The following COL23A1 variants were observed in gnomAD, a reference collection of about 807,000 sequenced individuals.
The protein encoded by COL23A1 is collagen alpha-1(XXIII) chain.
In COL23A1, 97 loss-of-function variants were observed where a neutral mutation model predicts 99.3. The observed-to-expected ratio is 0.98, with a 90% CI of 0.83 to 1.16. The LOEUF (loss-of-function observed/expected upper bound fraction) is 1.16, where lower values mean the gene tolerates loss of function less well. COL23A1 is among the 50% of genes most tolerant of loss of function. The pLI is 0.00. For missense variants in COL23A1, 762 were observed against 757.4 expected, an observed-to-expected ratio of 1.01 and a Z score of -0.07; for synonymous variants, 320 against 308.2, an observed-to-expected ratio of 1.04 and a Z score of -0.40.
At position 178,534,867 on chromosome 5, in the gene COL23A1, C is replaced by T. The variant is rs191820140; in HGVS notation, c.361+25815G>A. Among the ~76,000 whole-genome samples the T allele has an allele frequency of 2.2e-3, 332 of 152,266 alleles. 3 individuals carry two copies. The highest frequency in any genetic ancestry group is 7.1e-3 in the African/African-American group (297 of 41,552). On this transcript the variant is annotated intron_variant, in intron 2 of 28. Transcript: ENST00000390654. ...GCCCTGCCCCACACTCTCATTAAAT[C>T]CCCATAAAAACTCTACCAGGTAGCT...
chr5:178,504,909 C>A (rs1758780010), intron 2 of COL23A1, among the ~76,000 whole-genome samples: 1 of 152,188 alleles, frequency 6.6e-6, no homozygotes, highest in Admixed American at 6.5e-5. Context: ...TGGCTCAAAG[C>A]ACCTTAAAAT....
At chr5:178,288,107 C>T (rs1757254007) in intron 5 of COL23A1, among the ~76,000 whole-genome samples, 2 of 152,180 alleles carry the variant, frequency 1.3e-5, no homozygotes, top group Non-Finnish European at 2.9e-5. Flanking sequence ...CACCCAGACA[C>T]CTGCTCGAGG....
rs562298481 is a variant in COL23A1 at position 178,491,628 on chromosome 5, G to A, written c.361+69054C>T. Reference sequence around the variant, plus strand: ...TGGGACAGGAGCACAAGCAGAGAGCGGACCACAGAGCCTGGGGCAAGGGAG... The same window carrying A: ...TGGGACAGGAGCACAAGCAGAGAGCAGACCACAGAGCCTGGGGCAAGGGAG... On this transcript the variant is annotated intron_variant, in intron 2 of 28. Coordinates refer to ENST00000390654, the MANE Select transcript of COL23A1 (RefSeq NM_173465.4). Among the ~76,000 whole-genome samples the A allele has an allele frequency of 1.1e-4, 16 of 152,230 alleles. 1 individual carries two copies. In the South Asian group the frequency reaches 2.9e-3, roughly 28 times the overall value.
chr5:178,315,365 G>A (rs188339882), intron 2 of COL23A1, among the ~76,000 whole-genome samples: 3 of 152,282 alleles, frequency 2.0e-5, no homozygotes, highest in East Asian at 3.9e-4. Context: ...AGCAGGCCAC[G>A]TGCTGGGGGC....
intron 2 of COL23A1, among the ~76,000 whole-genome samples, chr5:178,438,475 C>T (rs1679277660): frequency 6.6e-6 from 1 of 152,194 alleles, no homozygotes. Context: ...GAACGCAGTT[C>T]ATCCCTGTAT....
intron 2 of COL23A1, among the ~76,000 whole-genome samples, chr5:178,478,845 T>C (rs983886894): frequency 1.2e-4 from 19 of 152,232 alleles, no homozygotes; most frequent in Non-Finnish European, 2.5e-4. Context: ...TGAGAAGACT[T>C]ACCCCAGAGG....
chr5:178,471,376 G>A (rs1261792314), intron 2 of COL23A1, among the ~76,000 whole-genome samples: 1 of 152,082 alleles, frequency 6.6e-6, no homozygotes, highest in Non-Finnish European at 1.5e-5. Context: ...TGAGTAGCTG[G>A]GATTACAGGC....
intron 2 of COL23A1, among the ~76,000 whole-genome samples, chr5:178,507,230 T>C (rs1158619865): frequency 2.0e-5 from 3 of 152,198 alleles, no homozygotes; most frequent in African/African-American, 7.2e-5. Flanking sequence ...TTTGTGGTGA[T>C]AGTAGAGTCC....
chr5:178,585,749 T>A lies in COL23A1; in HGVS notation c.294+4155A>T, dbSNP rs1763958854. ...AACACTCCACAGCCCTGGCTGACCC[T>A]GTTGGTTGCTCCCCAGTAGCCATGC... is the stretch of plus-strand genomic sequence containing the variant. On this transcript the variant is annotated intron_variant, in intron 1 of 28. Coordinates refer to ENST00000390654, the MANE Select transcript of COL23A1 (RefSeq NM_173465.4). Among the ~76,000 whole-genome samples the A allele has an allele frequency of 1.3e-5, 2 of 151,408 alleles. 1 individual carries two copies. The highest frequency in any genetic ancestry group is 4.2e-4 in the South Asian group (2 of 4,818).
chr5:178,251,197 AT>A (rs1765016125), intron 17 of COL23A1, among the ~76,000 whole-genome samples: 1 of 151,924 alleles, frequency 6.6e-6, no homozygotes, highest in Non-Finnish European at 1.5e-5. Flanking sequence ...TGATTTTTGT[AT>A]TTTTAGTAGA....
chr5:178,583,949 A>C (rs908889218), intron 1 of COL23A1, among the ~76,000 whole-genome samples: 1 of 152,102 alleles, frequency 6.6e-6, no homozygotes, highest in African/African-American at 2.4e-5. Context: ...CTGCAACCTT[A>C]AACACCTGGG....
intron 2 of COL23A1, among the ~76,000 whole-genome samples, chr5:178,410,945 A>C (rs756660749): frequency 2.0e-5 from 3 of 152,232 alleles, no homozygotes; most frequent in Non-Finnish European, 4.4e-5. Context: ...CAACTCAACA[A>C]TAAAAATACA....
intron 3 of COL23A1, among the ~76,000 whole-genome samples, chr5:178,291,063 C>CA: frequency 6.6e-6 from 1 of 152,222 alleles, no homozygotes; most frequent in Non-Finnish European, 1.5e-5. Flanking sequence ...CAGAGGCTCA[C>CA]AGAGCAGCGA....
At chr5:178,581,684 C>T (rs935064950) in intron 1 of COL23A1, among the ~76,000 whole-genome samples, 1 of 152,152 alleles carries the variant, frequency 6.6e-6, no homozygotes, top group Admixed American at 6.5e-5. Context: ...AAACCACTGA[C>T]TGTACCATTA....
intron 2 of COL23A1, among the ~76,000 whole-genome samples, chr5:178,432,673 A>G (rs1354529323): frequency 6.6e-6 from 1 of 152,096 alleles, no homozygotes; most frequent in East Asian, 1.9e-4. Context: ...AAGCAGGGAG[A>G]GGATGCTGGG....
At chr5:178,329,758 G>T (rs1759902668) in intron 2 of COL23A1, among the ~76,000 whole-genome samples, 1 of 152,102 alleles carries the variant, frequency 6.6e-6, no homozygotes, top group Non-Finnish European at 1.5e-5. Flanking sequence ...CTAACATAGA[G>T]AAACCCCATC....
At chr5:178,350,524 G>A (rs1006396227) in intron 2 of COL23A1, among the ~76,000 whole-genome samples, 14 of 152,198 alleles carry the variant, frequency 9.2e-5, no homozygotes, top group Admixed American at 7.2e-4. Context: ...GCAATGTGGG[G>A]AGCAATCAGG....
chr5:178,333,942 CG>C (rs980214762), intron 2 of COL23A1, among the ~76,000 whole-genome samples: 3 of 152,302 alleles, frequency 2.0e-5, no homozygotes, highest in South Asian at 2.1e-4. Flanking sequence ...CTGTCCAGTG[CG>C]TGAGCCCCTG....
At chr5:178,314,041 G>C (rs1471933429) in intron 2 of COL23A1, among the ~76,000 whole-genome samples, 1 of 152,110 alleles carries the variant, frequency 6.6e-6, no homozygotes, top group African/African-American at 2.4e-5. Flanking sequence ...TGAAGGAGTA[G>C]GTGTGTCCCG....
Sources: allele counts gnomAD v4.1 joint callset (sites outside exome capture counted in the v4.1 genomes callset), GRCh38; gene constraint gnomAD v4.1.1; transcripts MANE v1.5; gene names NCBI Gene and HGNC (gene_info 2026-07-23, HGNC 2026-07-21).